The following ARHGAP32 variants were observed in gnomAD, a reference collection of about 807,000 sequenced individuals.
ARHGAP32 encodes the protein Rho GTPase activating protein 32, also known as rho GTPase-activating protein 32.
ARHGAP32 carries 51 observed loss-of-function variants against 186.5 expected under a neutral mutation model. The observed-to-expected ratio is 0.27, with a 90% CI of 0.22 to 0.35. The LOEUF is 0.35. ARHGAP32 is among the 10% of genes least tolerant of loss of function. The pLI is 1.00. For missense variants in ARHGAP32, 2,186 were observed against 2,623.5 expected, an observed-to-expected ratio of 0.83 and a Z score of 3.64; for synonymous variants, 950 against 964.3, an observed-to-expected ratio of 0.99 and a Z score of 0.27.
At chr11:129,126,050 G>A (rs564586803) in intron 2 of ARHGAP32, 109 of 435,380 alleles carry the variant, frequency 2.5e-4, no homozygotes, top group African/African-American at 1.8e-3. Flanking sequence ...CATAATCCTA[G>A]GTATTATTTC....
At chr11:129,203,582 G>A (rs1454424464) in intron 1 of ARHGAP32, among the ~76,000 whole-genome samples, 1 of 151,754 alleles carries the variant, frequency 6.6e-6, no homozygotes, top group Non-Finnish European at 1.5e-5. Context: ...AAATAATGAA[G>A]GTTGAGAATT....
rs539569477 is a variant in ARHGAP32 at position 129,057,174 on chromosome 11, G to A, written c.963+5106C>T. Among the ~76,000 whole-genome samples, 7 of 152,146 alleles carry A rather than the reference G, an allele frequency of 4.6e-5. No individual in the cohort carries two copies. The East Asian group carries it at 9.7e-4, about 21-fold the overall frequency. ...TCAGTGGGTCATCGGACATCCTCTC[G>A]GCAGAAGACATATGCAACACTGTGC... On this transcript the variant is annotated intron_variant, in intron 10 of 22. Transcript: ENST00000682385.
At chr11:128,982,891 T>TAA (rs34630708) in intron 15 of ARHGAP32, among the ~76,000 whole-genome samples, 15 of 66,428 alleles carry the variant, frequency 2.3e-4, no homozygotes, top group Admixed American at 4.3e-4. Flanking sequence ...ACCTTGTCTT[T>TAA]AAAAAAAAAA....
intron 6 of ARHGAP32, among the ~76,000 whole-genome samples, chr11:129,086,532 A>C (rs1418158012): frequency 6.6e-6 from 1 of 152,218 alleles, no homozygotes; most frequent in Non-Finnish European, 1.5e-5. Context: ...TGCAAAAGAC[A>C]CACTGATGGC....
intron 1 of ARHGAP32, 26 bp from the exon 2 acceptor site, chr11:129,164,453 T>C: frequency 7.6e-7 from 1 of 1,313,522 alleles, no homozygotes; most frequent in Non-Finnish European, 1.1e-6. Flanking sequence ...CGAAAGATTC[T>C]GATAAGAATT....
At chr11:129,072,387 T>C (rs10893969) in intron 6 of ARHGAP32, among the ~76,000 whole-genome samples, 41,233 of 152,140 alleles carry the variant, frequency 0.27, 6,091 homozygotes, top group Middle Eastern at 0.4. Flanking sequence ...AAGTGATCAA[T>C]GTCCGTCTAG....
At chr11:129,075,696 C>T (rs1941016459) in intron 6 of ARHGAP32, among the ~76,000 whole-genome samples, 1 of 152,154 alleles carries the variant, frequency 6.6e-6, no homozygotes, top group African/African-American at 2.4e-5. Context: ...CAACGGATTA[C>T]ACATGCTTCT....
chr11:129,235,047 C>A (rs1205017886), intron 1 of ARHGAP32, among the ~76,000 whole-genome samples: 2 of 152,178 alleles, frequency 1.3e-5, no homozygotes, highest in African/African-American at 2.4e-5. Flanking sequence ...ACTCATCTTG[C>A]ATTTCAGGTG....
At chr11:129,228,692 C>T (rs900014227) in intron 1 of ARHGAP32, among the ~76,000 whole-genome samples, 3 of 152,038 alleles carry the variant, frequency 2.0e-5, no homozygotes, top group African/African-American at 7.2e-5. Context: ...AAACATCACA[C>T]ACTGGGGCTT....
chr11:129,038,590 AT>A (rs1343474039), intron 11 of ARHGAP32, among the ~76,000 whole-genome samples: 2 of 151,994 alleles, frequency 1.3e-5, no homozygotes, highest in Non-Finnish European at 2.9e-5. Flanking sequence ...TATGAGCAAC[AT>A]TTACAACTCA....
chr11:129,271,772 T>C (rs1945475515), intron 1 of ARHGAP32, among the ~76,000 whole-genome samples: 1 of 152,190 alleles, frequency 6.6e-6, no homozygotes, highest in African/African-American at 2.4e-5. Context: ...CTAGTAAAGT[T>C]GGCCACTGTG....
chr11:129,073,965 C>T (rs1005463073), intron 6 of ARHGAP32, among the ~76,000 whole-genome samples: 14 of 152,038 alleles, frequency 9.2e-5, no homozygotes, highest in Admixed American at 5.2e-4. Context: ...AACCCCTACC[C>T]AGCAACCTAG....
intron 20 of ARHGAP32, among the ~76,000 whole-genome samples, 162 bp downstream of exon 20, chr11:128,976,401 T>C (rs1360168605): frequency 6.6e-6 from 1 of 152,176 alleles, no homozygotes; most frequent in Non-Finnish European, 1.5e-5. Context: ...TGTGAAAGCA[T>C]CAATGAATTT....
At chr11:129,132,631 T>C (rs565434146) in intron 2 of ARHGAP32, among the ~76,000 whole-genome samples, 1 of 152,296 alleles carries the variant, frequency 6.6e-6, no homozygotes, top group South Asian at 2.1e-4. Context: ...TCCAGAGGAT[T>C]TCAATAAGGA....
upstream of ARHGAP32, among the ~76,000 whole-genome samples, chr11:129,196,513 G>A (rs1393879607): frequency 1.3e-5 from 2 of 152,202 alleles, no homozygotes; most frequent in Non-Finnish European, 2.9e-5. Flanking sequence ...TTATATAAGT[G>A]ACTTGAGTAT....
intron 1 of ARHGAP32, among the ~76,000 whole-genome samples, chr11:129,206,644 G>A (rs59629970): frequency 2.0e-5 from 3 of 152,020 alleles, no homozygotes; most frequent in Non-Finnish European, 2.9e-5. Flanking sequence ...ATATATGGTT[G>A]AAGAAAACAG....
At chr11:129,129,507 G>A (rs1162759639) in intron 2 of ARHGAP32, among the ~76,000 whole-genome samples, 2 of 152,198 alleles carry the variant, frequency 1.3e-5, no homozygotes, top group Non-Finnish European at 2.9e-5. Context: ...GAGCCCCTCT[G>A]CCCGGCCGCC....
chr11:129,139,635 T>TTTATAAA (rs945361303), intron 2 of ARHGAP32, among the ~76,000 whole-genome samples: 6 of 152,068 alleles, frequency 3.9e-5, no homozygotes, highest in Non-Finnish European at 7.4e-5. Flanking sequence ...ATCTGACAGT[T>TTTATAAA]TTATAAAGAG....
intron 11 of ARHGAP32, among the ~76,000 whole-genome samples, chr11:129,032,526 A>G (rs1939159091): frequency 6.6e-6 from 1 of 152,160 alleles, no homozygotes; most frequent in African/African-American, 2.4e-5. Flanking sequence ...TTATAATGGG[A>G]TTTTACTGTT....
Sources: allele counts gnomAD v4.1 joint callset (sites outside exome capture counted in the v4.1 genomes callset), GRCh38; gene constraint gnomAD v4.1.1; transcripts MANE v1.5; gene names NCBI Gene and HGNC (gene_info 2026-07-23, HGNC 2026-07-21).